PITX1: variants seen among roughly 807,000 people sequenced by gnomAD.
PITX1 encodes paired like homeodomain 1.
In PITX1, 5 loss-of-function variants were observed where a neutral mutation model predicts 24.1. That is an observed-to-expected ratio of 0.21 (90% CI 0.11 to 0.44). PITX1 has a LOEUF of 0.44. Among genes scored for constraint, PITX1 ranks in the 20% least tolerant of loss-of-function variants. The pLI, the probability that PITX1 is intolerant of heterozygous loss-of-function variation, is 0.99. For synonymous variants in PITX1, 213 were observed against 208.9 expected (o/e 1.02, Z -0.17); for missense variants, 401 against 455.4 (o/e 0.88, Z 1.09).
At chr5:135,034,456 C>A (rs1348071358), upstream of PITX1, 1 of 152,400 alleles carries the variant, frequency 6.6e-6, no homozygotes, top group Non-Finnish European at 1.5e-5. Flanking sequence ...GCCTCCCCGC[C>A]CCCCGCGGCC....
chr5:135,030,578 A>T (rs1752430268), intron 2 of PITX1, among the ~76,000 whole-genome samples: 1 of 152,118 alleles, frequency 6.6e-6, no homozygotes, highest in African/African-American at 2.4e-5. Context: ...TGGAAACCAA[A>T]CGGGTGAGAA....
At chr5:135,031,706 C>T in intron 1 of PITX1, 198 bp from the exon 2 acceptor site, 1 of 599,508 alleles carries the variant, frequency 1.7e-6, no homozygotes, top group Non-Finnish European at 3.0e-6. Flanking sequence ...TGGTGTGCCG[C>T]GGAGAAGAGC....
chr5:135,034,217 A>G lies in PITX1; in HGVS notation c.-336T>C, dbSNP rs1391318968. 2.0e-5 allele frequency: 3 copies of G among 146,996 alleles called. No individual in the cohort carries two copies. Among genetic ancestry groups the G allele is most frequent in the East Asian group, 4.3e-4 (2 of 4,616 alleles). The allele number at this position is 146,996 out of a possible 1,614,324, so 9.1% of individuals were successfully genotyped here. Reference sequence around the variant, plus strand: ...TTCTAAGGCTCCGGACGGCGCCGGCAGAGTCTGTCTTAAAGCGACAGCGCG... The same window carrying G: ...TTCTAAGGCTCCGGACGGCGCCGGCGGAGTCTGTCTTAAAGCGACAGCGCG... On this transcript the variant is annotated 5_prime_UTR_variant, in exon 1 of 3. Transcript: ENST00000265340.
intron 1 of PITX1, chr5:135,031,872 A>T: frequency 3.3e-6 from 1 of 301,768 alleles, no homozygotes; most frequent in Non-Finnish European, 6.2e-6. Flanking sequence ...TCTAAATCTG[A>T]GGGGGTCTCT....
Position 135,033,928 on chromosome 5 carries a change from G to C in PITX1, c.-47C>G. ...CGCTCCAGGGGCCGGGGCTGGGCGC[G>C]CCCCGCCGCCCTGGCTGCGACCTGC... is the stretch of plus-strand genomic sequence containing the variant. On this transcript the variant is annotated 5_prime_UTR_variant, in exon 1 of 3. Coordinates refer to ENST00000265340, the MANE Select transcript of PITX1 (RefSeq NM_002653.5). This position sits in a 1 kb window ranked among gnomAD's most constrained non-coding sequence, Gnocchi z 5.9. 8.3e-7 allele frequency: 1 copy of C among 1,210,864 alleles called. No homozygotes were observed. Among genetic ancestry groups the C allele is most frequent in the Non-Finnish European group, 1.0e-6 (1 of 952,488 alleles). 75.0% of individuals were successfully genotyped at this position (1,210,864 alleles called of 1,614,324 possible). A position where few individuals can be genotyped will look rare whatever the true frequency, so the allele number is the denominator to read the frequency against.
chr5:135,030,370 C>CTG (rs1262065430), intron 2 of PITX1, among the ~76,000 whole-genome samples: 1 of 152,220 alleles, frequency 6.6e-6, no homozygotes, highest in East Asian at 1.9e-4. Flanking sequence ...TTACTGAGTG[C>CTG]TGTGTCTTCA....
At chr5:135,031,559 AC>A in intron 1 of PITX1, 51 bp from the exon 2 acceptor site, 1 of 1,462,788 alleles carries the variant, frequency 6.8e-7, no homozygotes, top group Non-Finnish European at 9.3e-7. Context: ...GCCCCGTTGC[AC>A]CCCGTCCCGG....
chr5:135,029,871 C>T (rs1023078350), intron 2 of PITX1, among the ~76,000 whole-genome samples: 4 of 152,204 alleles, frequency 2.6e-5, no homozygotes, highest in Non-Finnish European at 5.9e-5. Flanking sequence ...TCTTCTCCCT[C>T]AGTCTGTTTT....
chr5:135,034,582 TG>T (rs1441710464), upstream of PITX1: 1 of 152,260 alleles, frequency 6.6e-6, no homozygotes, highest in Non-Finnish European at 1.5e-5. Flanking sequence ...AGGCCTCAAA[TG>T]ACTTGTTTCG....
In PITX1 at chr5:135,029,335, C is replaced by T. The variant is rs1423538828; in HGVS notation, c.403-14G>A. 14 of 1,579,448 alleles carry T rather than the reference C, an allele frequency of 8.9e-6. No individual in the cohort carries two copies. Among genetic ancestry groups the T allele is most frequent in the Non-Finnish European group, 1.1e-5 (13 of 1,162,064 alleles). ...CTTGAACCAGACCTGGGGGAGGGGACGGGAGAAGGGTCAGGGCCGCTGCGG... is the reference window on the plus strand; with the variant it reads ...CTTGAACCAGACCTGGGGGAGGGGATGGGAGAAGGGTCAGGGCCGCTGCGG... On this transcript the variant is annotated splice_polypyrimidine_tract_variant and intron_variant, in intron 2 of 2. Coordinates refer to ENST00000265340, the MANE Select transcript of PITX1 (RefSeq NM_002653.5).
chr5:135,031,821 T>C, intron 1 of PITX1: 1 of 496,638 alleles, frequency 2.0e-6, no homozygotes, highest in Non-Finnish European at 3.6e-6. Flanking sequence ...TCCCAGCAAA[T>C]GTATGCTTTT....
At position 135,028,897 on chromosome 5, in the gene PITX1, T is replaced by A; in HGVS notation, c.827A>T (p.Asp276Val). The change falls in exon 3 of 3, where the codon GAC becomes GTC. Residue 276 changes from aspartate to valine, a missense_variant. Asp to Val is a radical substitution (Grantham distance 152). This residue lies in a region of PITX1 where 217 missense variants were observed against 219.8 expected (regional missense o/e 0.99). Coordinates refer to ENST00000265340, the MANE Select transcript of PITX1 (RefSeq NM_002653.5). ...GCTGGCTAGGCTCGAGTTGCACGTG[T>A]CCCGGTAGACGCTGTAGGGCGAGGC... ...TPASPYSVYR[D>V]TCNSSLASLR... The A allele has an allele frequency of 6.2e-7, 1 of 1,613,750 alleles. No homozygotes were observed.
Position 135,034,162 on chromosome 5 carries a change from TC to T in PITX1, c.-282del. On this transcript the variant is annotated 5_prime_UTR_variant, in exon 1 of 3. Coordinates refer to ENST00000265340, the MANE Select transcript of PITX1 (RefSeq NM_002653.5). Reference sequence around the variant, plus strand: ...CAGCCCGGCCGGCCCCGGCTCCGGCTCCGGCTCCGGCTCGCGATCCGGGGCC... The same window carrying T: ...CAGCCCGGCCGGCCCCGGCTCCGGCTCGGCTCCGGCTCGCGATCCGGGGCC... 1.3e-5 allele frequency: 2 copies of T among 151,980 alleles called. No individual in the cohort carries two copies. Among genetic ancestry groups the T allele is most frequent in the East Asian group, 3.9e-4 (2 of 5,084 alleles). 9.4% of individuals were successfully genotyped at this position (151,980 alleles called of 1,614,324 possible).
At position 135,033,832 on chromosome 5, in the gene PITX1, A is replaced by G. The variant is rs2149562936; in HGVS notation, c.50T>C (p.Leu17Pro). ...ATGGGGTGGCGGCGGCGGCGGCCGGAGCCCCTCCGGCAGCCGCTCCAGGCT... is the reference window on the plus strand; with the variant it reads ...ATGGGGTGGCGGCGGCGGCGGCCGGGGCCCCTCCGGCAGCCGCTCCAGGCT... ...GMSLERLPEG[L>P]RPPPPPPHDM... The change falls in exon 1 of 3, where the codon CTC becomes CCC. Residue 17 changes from leucine to proline, a missense_variant. Around this residue, in one of 3 missense-constraint regions of PITX1, gnomAD observed 136 missense variants for 133.3 expected, o/e 1.02. Transcript: ENST00000265340. This position sits in a 1 kb window ranked among gnomAD's most constrained non-coding sequence, Gnocchi z 5.9. The G allele has an allele frequency of 6.6e-7, 1 of 1,523,786 alleles. No homozygotes were observed. The highest frequency in any genetic ancestry group is 1.2e-5 in the South Asian group (1 of 82,956). The allele number at this position is 1,523,786 out of a possible 1,614,324, so 94.4% of individuals were successfully genotyped here.
At position 135,029,109 on chromosome 5, in the gene PITX1, C is replaced by A; in HGVS notation, c.615G>T (p.Met205Ile). 6.2e-7 allele frequency: 1 copy of A among 1,614,228 alleles called. No individual in the cohort carries two copies. Among genetic ancestry groups the A allele is most frequent in the East Asian group, 2.2e-5 (1 of 44,880 alleles). ...ACATGGACTGCGACGACAGCGGGCT[C>A]ATGGAGTTGAAGAAGGTGAAGCTCT... ...STKSFTFFNS[M>I]SPLSSQSMFS... The change falls in exon 3 of 3, where the codon ATG (methionine) becomes ATT (isoleucine). Residue 205 changes from methionine (M) to isoleucine (I), a missense_variant. Transcript: ENST00000265340.
At position 135,034,182 on chromosome 5, in the gene PITX1, C is replaced by T. The variant is rs903226678; in HGVS notation, c.-301G>A. 6.6e-6 allele frequency: 1 copy of T among 151,312 alleles called. No individual in the cohort carries two copies. The highest frequency in any genetic ancestry group is 2.4e-5 in the African/African-American group (1 of 41,118). The allele number at this position is 151,312 out of a possible 1,614,324, so 9.4% of individuals were successfully genotyped here. A position where few individuals can be genotyped will look rare whatever the true frequency, so the allele number is the denominator to read the frequency against. On this transcript the variant is annotated 5_prime_UTR_variant, in exon 1 of 3. Coordinates refer to ENST00000265340, the MANE Select transcript of PITX1 (RefSeq NM_002653.5). ...CCGGCTCCGGCTCCGGCTCGCGATC[C>T]GGGGCCGGTTTCTAAGGCTCCGGAC...
rs1473514397 is a variant in PITX1 at position 135,033,020 on chromosome 5, T to G, written c.169+693A>C. On this transcript the variant is annotated intron_variant, in intron 1 of 2. Transcript: ENST00000265340. This position sits in a 1 kb window ranked among gnomAD's most constrained non-coding sequence, Gnocchi z 5.9. ...GCCCAGTTCGCTGCTGGAAAAAAGC[T>G]CCAGCTCGGACAAAAAAAGGCAGCG... The G allele has an allele frequency of 4.7e-6, 2 of 424,712 alleles. No homozygotes were observed. The highest frequency in any genetic ancestry group is 5.8e-5 in the African/African-American group (2 of 34,406). 26.3% of individuals were successfully genotyped at this position (424,712 alleles called of 1,614,324 possible).
Position 135,028,814 on chromosome 5 carries a change from C to CCGGG in PITX1, c.906_909dup (p.Ala304ProfsTer269). 1 of 1,610,930 alleles carries CCGGG rather than the reference C, an allele frequency of 6.2e-7. No individual in the cohort carries two copies. On this transcript the variant is annotated frameshift_variant, in exon 3 of 3. Coordinates refer to ENST00000265340, the MANE Select transcript of PITX1 (RefSeq NM_002653.5). LOFTEE classifies it high-confidence loss of function. The stretch of plus-strand genomic sequence containing the variant: ...TACTGGCACGCGTTGAGGCCCGAGG[C>CCGGG]CGGGCCCTGCAGGCCGCCGTAGCCA...
chr5:135,033,233 C>A lies in PITX1; in HGVS notation c.169+480G>T, dbSNP rs999847626. 2 of 304,996 alleles carry A rather than the reference C, an allele frequency of 6.6e-6. No homozygotes were observed. The highest frequency in any genetic ancestry group is 2.5e-5 in the South Asian group (1 of 39,604). 18.9% of individuals were successfully genotyped at this position (304,996 alleles called of 1,614,324 possible). A position where few individuals can be genotyped will look rare whatever the true frequency, so the allele number is the denominator to read the frequency against. On this transcript the variant is annotated intron_variant, in intron 1 of 2. Transcript: ENST00000265340. The surrounding 1 kb of genome is among the most constrained non-coding windows in gnomAD (Gnocchi z 5.9). ...CTTCTACTTGATGACCCCTCTCCCC[C>A]CGTTTACCCTTCCCGCCCGCCCCTT...
Sources: gnomAD v4.1 joint callset for allele counts (sites outside exome capture counted in the v4.1 genomes callset) on GRCh38, gnomAD v4.1.1 for gene constraint, gnomAD v4.1.1 regional missense constraint, Gnocchi (gnomAD v3.1) non-coding constraint, MANE v1.5 for transcripts, NCBI Gene and HGNC (gene_info 2026-07-23, HGNC 2026-07-21) for gene names.